SUGCT: variants seen among roughly 807,000 people sequenced by gnomAD.
The protein encoded by SUGCT is succinyl-CoA:glutarate-CoA transferase, also known as succinyl-CoA:glutarate CoA-transferase.
In SUGCT, 41 loss-of-function variants were observed where a neutral mutation model predicts 55.0. The observed-to-expected ratio is 0.74, with a 90% CI of 0.58 to 0.97. SUGCT has a LOEUF of 0.97. Among genes scored for constraint, SUGCT ranks in the 50% least tolerant of loss-of-function variants. The pLI is 0.00. For synonymous variants in SUGCT, 187 were observed against 200.4 expected, an observed-to-expected ratio of 0.93 and a Z score of 0.56; for missense variants, 568 against 547.8, an observed-to-expected ratio of 1.04 and a Z score of -0.37.
At chr7:40,480,779 A>T (rs918755682) in intron 11 of SUGCT, among the ~76,000 whole-genome samples, 1 of 151,634 alleles carries the variant, frequency 6.6e-6, no homozygotes, top group Non-Finnish European at 1.5e-5. Flanking sequence ...ACTACTGTTC[A>T]TATAACTGAG....
At chr7:40,838,385 A>G (rs1793099599) in intron 13 of SUGCT, among the ~76,000 whole-genome samples, 1 of 152,202 alleles carries the variant, frequency 6.6e-6, no homozygotes, top group African/African-American at 2.4e-5. Flanking sequence ...GTATTTTCAA[A>G]TTTATGAACA....
chr7:40,635,355 T>C (rs1184425096), intron 12 of SUGCT, among the ~76,000 whole-genome samples: 9 of 151,658 alleles, frequency 5.9e-5, no homozygotes, highest in African/African-American at 2.2e-4. Context: ...CATAAAATAT[T>C]GCAGAAAGAA....
intron 8 of SUGCT, among the ~76,000 whole-genome samples, chr7:40,309,986 T>C (rs1031767799): frequency 2.0e-5 from 3 of 151,618 alleles, no homozygotes; most frequent in African/African-American, 7.3e-5. Flanking sequence ...AAATTCTAAA[T>C]AATTATGTAG....
chr7:40,254,263 T>C (rs1790645069), intron 7 of SUGCT, among the ~76,000 whole-genome samples: 1 of 152,174 alleles, frequency 6.6e-6, no homozygotes, highest in African/African-American at 2.4e-5. Context: ...TGAATCCTGG[T>C]TTTTCAAGAA....
the SUGCT span, among the ~76,000 whole-genome samples, chr7:40,927,029 G>A: frequency 1.7e-4 from 26 of 152,266 alleles, no homozygotes; most frequent in African/African-American, 6.0e-4. Flanking sequence ...AGGGGATCAT[G>A]TTCAAAATCT....
At chr7:40,358,673 C>A (rs969771783) in intron 9 of SUGCT, among the ~76,000 whole-genome samples, 1 of 152,052 alleles carries the variant, frequency 6.6e-6, no homozygotes, top group Non-Finnish European at 1.5e-5. Flanking sequence ...GAAATTGTGC[C>A]ACTGCACTCC....
At chr7:40,500,312 G>A (rs112014490) in intron 12 of SUGCT, among the ~76,000 whole-genome samples, 1 of 152,126 alleles carries the variant, frequency 6.6e-6, no homozygotes, top group African/African-American at 2.4e-5. Context: ...TATATCAGGT[G>A]TAAGACATCA....
chr7:40,276,591 T>C (rs1792497198), intron 8 of SUGCT, among the ~76,000 whole-genome samples: 1 of 151,994 alleles, frequency 6.6e-6, no homozygotes, highest in Non-Finnish European at 1.5e-5. Flanking sequence ...GTATAAAGAG[T>C]ATTGTATTAT....
chr7:40,388,982 T>C (rs573982199), intron 9 of SUGCT, among the ~76,000 whole-genome samples: 110 of 152,352 alleles, frequency 7.2e-4, no homozygotes, highest in African/African-American at 2.5e-3. Context: ...GCTGCTCTTC[T>C]AGCTTTTCAT....
At chr7:40,721,516 T>A (rs1474431051) in intron 12 of SUGCT, among the ~76,000 whole-genome samples, 2 of 152,250 alleles carry the variant, frequency 1.3e-5, no homozygotes, top group African/African-American at 2.4e-5. Flanking sequence ...TGCAATTTAA[T>A]AAATGATGGA....
chr7:40,511,035 A>G (rs1161573305), intron 12 of SUGCT, among the ~76,000 whole-genome samples: 4 of 152,204 alleles, frequency 2.6e-5, no homozygotes, highest in Admixed American at 2.6e-4. Context: ...CTAGAACTAC[A>G]GAATATTTTA....
intron 13 of SUGCT, among the ~76,000 whole-genome samples, chr7:40,855,749 A>G (rs1794138610): frequency 6.6e-6 from 1 of 152,236 alleles, no homozygotes; most frequent in South Asian, 2.1e-4. Flanking sequence ...TTTCACTGAC[A>G]GTCTTTACGA....
chr7:40,146,364 G>A (rs1369752645), intron 1 of SUGCT, among the ~76,000 whole-genome samples: 1 of 152,136 alleles, frequency 6.6e-6, no homozygotes, highest in African/African-American at 2.4e-5. Context: ...CAGTCATGGA[G>A]ACCCTAACCC....
chr7:40,269,314 T>TTTTA (rs367961179), intron 7 of SUGCT, among the ~76,000 whole-genome samples: 3,082 of 151,850 alleles, frequency 0.02, 64 homozygotes, highest in African/African-American at 0.056. Context: ...TAATTTTTTA[T>TTTTA]TTTATTTATT....
chr7:41,023,300 A>G, the SUGCT span, among the ~76,000 whole-genome samples: 4 of 152,130 alleles, frequency 2.6e-5, no homozygotes, highest in Admixed American at 2.6e-4. Context: ...GCATAGCCTA[A>G]CCTTACTGAT....
chr7:40,574,473 C>G (rs984508772), intron 12 of SUGCT, among the ~76,000 whole-genome samples: 8 of 151,848 alleles, frequency 5.3e-5, no homozygotes, highest in African/African-American at 1.9e-4. Context: ...GCTCTGTTGC[C>G]CAGGCTGGAG....
intron 13 of SUGCT, among the ~76,000 whole-genome samples, chr7:40,760,805 C>T (rs1788490161): frequency 1.3e-5 from 2 of 151,700 alleles, no homozygotes; most frequent in African/African-American, 2.4e-5. Flanking sequence ...CAGGCTGTCT[C>T]ACGTATTTCA....
intron 10 of SUGCT, among the ~76,000 whole-genome samples, chr7:40,452,182 A>G (rs1198193873): frequency 2.6e-5 from 4 of 152,232 alleles, no homozygotes; most frequent in Non-Finnish European, 5.9e-5. Flanking sequence ...AGGTTCCAGA[A>G]AATCTTGTTG....
chr7:40,154,379 TG>T (rs1373136838), intron 1 of SUGCT, among the ~76,000 whole-genome samples: 4 of 152,246 alleles, frequency 2.6e-5, no homozygotes, highest in Admixed American at 1.3e-4. Context: ...TCCTTGGCAC[TG>T]TTTTGTGTTT....
Sources: allele counts gnomAD v4.1 joint callset (sites outside exome capture counted in the v4.1 genomes callset), GRCh38; gene constraint gnomAD v4.1.1; transcripts MANE v1.5; gene names NCBI Gene and HGNC (gene_info 2026-07-23, HGNC 2026-07-21).